NBEA: variants seen among roughly 807,000 people sequenced by gnomAD.
NBEA encodes the protein neurobeachin.
NBEA carries 44 observed loss-of-function variants against 343.4 expected under a neutral mutation model. That is an observed-to-expected ratio of 0.13 (90% CI 0.10 to 0.16). The LOEUF (loss-of-function observed/expected upper bound fraction) is 0.16, where lower values mean the gene tolerates loss of function less well. Among genes scored for constraint, NBEA ranks in the 10% least tolerant of loss-of-function variants. NBEA has a pLI of 1.00. For missense variants in NBEA, 2,555 were observed against 3,631.3 expected, an observed-to-expected ratio of 0.70 and a Z score of 7.62; for synonymous variants, 1,175 against 1,238.7, an observed-to-expected ratio of 0.95 and a Z score of 1.08.
At chr13:35,475,035 T>G (rs756676401) in intron 41 of NBEA, 1 of 1,598,600 alleles carries the variant, frequency 6.3e-7, no homozygotes, top group South Asian at 1.1e-5. Context: ...GGGTAATAAT[T>G]TCGGCTCTTG....
intron 35 of NBEA, among the ~76,000 whole-genome samples, chr13:35,307,977 T>C (rs1006032837): frequency 6.6e-6 from 1 of 152,054 alleles, no homozygotes; most frequent in Non-Finnish European, 1.5e-5. Context: ...TTATGATAGC[T>C]AGAACCCAGT....
At chr13:35,299,629 T>C (rs762693797) in intron 35 of NBEA, among the ~76,000 whole-genome samples, 30 of 152,316 alleles carry the variant, frequency 2.0e-4, no homozygotes, top group South Asian at 2.1e-4. Context: ...ACTTGGCAGC[T>C]CTCTGCAGGC....
At chr13:34,992,222 A>G (rs184378276) in intron 1 of NBEA, among the ~76,000 whole-genome samples, 227 of 122,608 alleles carry the variant, frequency 1.9e-3, no homozygotes, top group Middle Eastern at 4.4e-3. Flanking sequence ...GTGTGTGTAT[A>G]TGTGTGTGTG....
intron 38 of NBEA, among the ~76,000 whole-genome samples, chr13:35,369,467 T>C (rs958800079): frequency 1.3e-5 from 2 of 151,922 alleles, no homozygotes; most frequent in African/African-American, 2.4e-5. Flanking sequence ...ATCTGTAGAT[T>C]GCTTTGAATA....
At chr13:35,106,216 A>G (rs749922120) in intron 11 of NBEA, among the ~76,000 whole-genome samples, 8 of 152,036 alleles carry the variant, frequency 5.3e-5, no homozygotes, top group African/African-American at 1.9e-4. Context: ...TAAAGGTTAC[A>G]GATTTATAAC....
intron 41 of NBEA, among the ~76,000 whole-genome samples, chr13:35,506,409 G>A (rs891101636): frequency 6.6e-6 from 1 of 152,052 alleles, no homozygotes; most frequent in Non-Finnish European, 1.5e-5. Context: ...TACTATTTAC[G>A]GCAGTAGTTT....
intron 35 of NBEA, among the ~76,000 whole-genome samples, chr13:35,299,765 A>G (rs1455953381): frequency 6.6e-6 from 1 of 152,202 alleles, no homozygotes; most frequent in African/African-American, 2.4e-5. Context: ...TTCTGGAATA[A>G]TTTGTAAGAT....
chr13:35,537,201 T>C (rs528088204), intron 41 of NBEA, among the ~76,000 whole-genome samples: 1 of 152,306 alleles, frequency 6.6e-6, no homozygotes, highest in South Asian at 2.1e-4. Context: ...AACCACATTT[T>C]TTCTGTCTCC....
intron 34 of NBEA, among the ~76,000 whole-genome samples, chr13:35,268,793 A>C (rs2033895850): frequency 6.6e-6 from 1 of 152,108 alleles, no homozygotes; most frequent in Non-Finnish European, 1.5e-5. Context: ...AAGTTTTAAA[A>C]AATCTGTCAG....
chr13:35,465,548 C>G (rs1310764823), intron 40 of NBEA, among the ~76,000 whole-genome samples: 3 of 152,068 alleles, frequency 2.0e-5, no homozygotes, highest in Non-Finnish European at 4.4e-5. Flanking sequence ...AAATGATATC[C>G]CAGTGCCGTA....
In NBEA at chr13:34,988,812, A is replaced by C. The variant is rs184498065; in HGVS notation, c.294+45698A>C. 1.4e-4 allele frequency among the ~76,000 whole-genome samples: 21 copies of C among 151,012 alleles called. 2 individuals carry two copies. Among genetic ancestry groups the C allele is most frequent in the African/African-American group, 4.8e-4 (20 of 41,428 alleles). On this transcript the variant is annotated intron_variant, in intron 1 of 58. Coordinates refer to ENST00000379939, the MANE Select transcript of NBEA (RefSeq NM_001385012.1). ...GTATATCTTTTTCTGTTCTTTTACT[A>C]TTAATTTCTGAATTTTTTATTTTCT...
intron 34 of NBEA, among the ~76,000 whole-genome samples, chr13:35,239,175 A>G (rs1392554684): frequency 2.6e-5 from 4 of 152,150 alleles, no homozygotes; most frequent in African/African-American, 9.7e-5. Context: ...AGATAATGAA[A>G]CAATAACTAC....
At position 35,479,632 on chromosome 13, in the gene NBEA, A is replaced by C. The variant is rs2076039189; in HGVS notation, c.6585+7096A>C. On this transcript the variant is annotated intron_variant, in intron 41 of 58. Coordinates refer to ENST00000379939, the MANE Select transcript of NBEA (RefSeq NM_001385012.1). The stretch of plus-strand genomic sequence containing the variant: ...TTTCAGTGAATTTTAAAAAAATATC[A>C]TTTGACCTATTAAACTAGTTATGTC... Among the ~76,000 whole-genome samples, 3 of 152,180 alleles carry C rather than the reference A, an allele frequency of 2.0e-5. No individual in the cohort carries two copies. The South Asian group carries it at 6.2e-4, about 31-fold the overall frequency.
intron 35 of NBEA, among the ~76,000 whole-genome samples, chr13:35,300,802 A>G (rs1262983447): frequency 6.6e-6 from 1 of 152,192 alleles, no homozygotes; most frequent in African/African-American, 2.4e-5. Context: ...CCAATGGAGA[A>G]GATGCCCTTT....
At chr13:35,105,631 T>G (rs1370809047) in intron 11 of NBEA, among the ~76,000 whole-genome samples, 1 of 151,956 alleles carries the variant, frequency 6.6e-6, no homozygotes, top group East Asian at 1.9e-4. Flanking sequence ...TTGAACCAGT[T>G]GTTGCTATGA....
intron 38 of NBEA, among the ~76,000 whole-genome samples, chr13:35,383,682 A>T (rs993734223): frequency 6.6e-6 from 1 of 152,096 alleles, no homozygotes; most frequent in African/African-American, 2.4e-5. Context: ...GATCTATTGG[A>T]CGTAGCTGTA....
intron 38 of NBEA, among the ~76,000 whole-genome samples, chr13:35,423,054 T>G (rs536632207): frequency 6.6e-6 from 1 of 152,338 alleles, no homozygotes; most frequent in African/African-American, 2.4e-5. Flanking sequence ...ATTAGCCCTT[T>G]GTCAGATGAG....
At chr13:35,356,095 A>G (rs2040476950) in intron 38 of NBEA, among the ~76,000 whole-genome samples, 2 of 152,276 alleles carry the variant, frequency 1.3e-5, no homozygotes, top group East Asian at 1.9e-4. Flanking sequence ...GAATAAATTA[A>G]TGAATAAACA....
At chr13:35,513,126 A>G (rs1219825237) in intron 41 of NBEA, among the ~76,000 whole-genome samples, 4 of 150,726 alleles carry the variant, frequency 2.7e-5, no homozygotes, top group African/African-American at 9.8e-5. Flanking sequence ...TTGTGGTGAA[A>G]TTATTACTTT....
Sources: gnomAD v4.1 joint callset for allele counts (sites outside exome capture counted in the v4.1 genomes callset) on GRCh38, gnomAD v4.1.1 for gene constraint, MANE v1.5 for transcripts, NCBI Gene and HGNC (gene_info 2026-07-23, HGNC 2026-07-21) for gene names.